The following MFHAS1 variants were observed in gnomAD, a reference collection of about 807,000 sequenced individuals.
MFHAS1 encodes malignant fibrous histiocytoma-amplified sequence 1.
In MFHAS1, 50 loss-of-function variants were observed where a neutral mutation model predicts 70.4. The observed-to-expected ratio is 0.71, with a 90% CI of 0.57 to 0.90. The LOEUF (loss-of-function observed/expected upper bound fraction) is 0.90. MFHAS1 is among the 40% of genes least tolerant of loss of function. MFHAS1 has a pLI of 0.00. For missense variants in MFHAS1, 1,795 were observed against 1,347.6 expected, an observed-to-expected ratio of 1.33 and a Z score of -5.20; for synonymous variants, 952 against 620.0, an observed-to-expected ratio of 1.54 and a Z score of -7.96.
intron 2 of MFHAS1, among the ~76,000 whole-genome samples, chr8:8,793,941 A>G (rs937886670): frequency 6.6e-6 from 1 of 152,100 alleles, no homozygotes; most frequent in Non-Finnish European, 1.5e-5. Flanking sequence ...TAATCCCAGC[A>G]TTTTCGGAGG....
chr8:8,844,666 C>G (rs1807962270), intron 1 of MFHAS1, among the ~76,000 whole-genome samples: 1 of 152,190 alleles, frequency 6.6e-6, no homozygotes, highest in African/African-American at 2.4e-5. Flanking sequence ...TCATGCACCA[C>G]CCATCACACT....
chr8:8,800,775 C>G (rs933055265), intron 1 of MFHAS1, among the ~76,000 whole-genome samples: 1 of 152,212 alleles, frequency 6.6e-6, no homozygotes, highest in Non-Finnish European at 1.5e-5. Flanking sequence ...CCAGCTCCAC[C>G]TGCTTTTATC....
At chr8:8,874,948 G>C (rs1045326741) in intron 1 of MFHAS1, among the ~76,000 whole-genome samples, 23 of 150,424 alleles carry the variant, frequency 1.5e-4, no homozygotes, top group African/African-American at 5.6e-4. Context: ...GCCAGAAGAT[G>C]TTATTAGAGG....
rs576894383 is a variant in MFHAS1, at chr8:8,853,089, C to G, written c.2998+36972G>C. On this transcript the variant is annotated intron_variant, in intron 1 of 2. Transcript: ENST00000276282. ...TCAGTCCGTGTGTCTGCTCTCAAGACCCCGACTATGCCCCTGCAGGCTCCA... is the reference window on the plus strand; with the variant it reads ...TCAGTCCGTGTGTCTGCTCTCAAGAGCCCGACTATGCCCCTGCAGGCTCCA... 1.5e-3 allele frequency among the ~76,000 whole-genome samples: 226 copies of G among 152,190 alleles called. 1 individual carries two copies. Among genetic ancestry groups the G allele is most frequent in the South Asian group, 7.7e-3 (37 of 4,814 alleles).
At chr8:8,827,198 G>C (rs1807195495) in intron 1 of MFHAS1, among the ~76,000 whole-genome samples, 2 of 152,170 alleles carry the variant, frequency 1.3e-5, no homozygotes. Context: ...CCTACAGATG[G>C]TCATATAAGC....
At chr8:8,864,978 C>T (rs1002901358) in intron 1 of MFHAS1, among the ~76,000 whole-genome samples, 2 of 151,998 alleles carry the variant, frequency 1.3e-5, no homozygotes, top group African/African-American at 4.8e-5. Flanking sequence ...AAAAAACAAA[C>T]CAAAAACATG....
chr8:8,807,294 A>C (rs970225737), intron 1 of MFHAS1, among the ~76,000 whole-genome samples: 16 of 151,886 alleles, frequency 1.1e-4, no homozygotes, highest in Non-Finnish European at 1.9e-4. Flanking sequence ...ATGTGACCAC[A>C]CCTGACAGAC....
At chr8:8,814,120 T>G (rs1806648686) in intron 1 of MFHAS1, among the ~76,000 whole-genome samples, 1 of 152,110 alleles carries the variant, frequency 6.6e-6, no homozygotes, top group Admixed American at 6.6e-5. Context: ...GTATTTTTAG[T>G]AGAGACAGGG....
At chr8:8,826,249 T>A (rs1585037401) in intron 1 of MFHAS1, among the ~76,000 whole-genome samples, 1 of 138,394 alleles carries the variant, frequency 7.2e-6, no homozygotes, top group Non-Finnish European at 1.6e-5. Context: ...ACACAAAGAG[T>A]GTGTGTGTGT....
At chr8:8,802,767 G>T (rs1054592205) in intron 1 of MFHAS1, among the ~76,000 whole-genome samples, 3 of 152,168 alleles carry the variant, frequency 2.0e-5, no homozygotes, top group Non-Finnish European at 2.9e-5. Flanking sequence ...AGCTATCTTG[G>T]GGGGTGAAGG....
At chr8:8,849,643 C>G (rs934589644) in intron 1 of MFHAS1, among the ~76,000 whole-genome samples, 4 of 152,198 alleles carry the variant, frequency 2.6e-5, no homozygotes, top group Non-Finnish European at 5.9e-5. Context: ...TTTTGTGTCT[C>G]CTGGTCAAGA....
intron 1 of MFHAS1, chr8:8,859,858 C>A (rs1808596493): frequency 6.6e-6 from 1 of 152,126 alleles, no homozygotes; most frequent in South Asian, 2.1e-4. Flanking sequence ...GGGTCGGTGC[C>A]CCCAATGCCT....
intron 1 of MFHAS1, among the ~76,000 whole-genome samples, chr8:8,873,886 T>C (rs1361104645): frequency 6.6e-6 from 1 of 152,224 alleles, no homozygotes; most frequent in Non-Finnish European, 1.5e-5. Context: ...GCGGTATATC[T>C]ATCTGTAAAC....
chr8:8,886,260 T>TG (rs904554496), intron 1 of MFHAS1, among the ~76,000 whole-genome samples: 6 of 152,052 alleles, frequency 3.9e-5, no homozygotes, highest in African/African-American at 1.4e-4. Flanking sequence ...CAAACTCCCA[T>TG]GCTCAAGTGA....
intron 1 of MFHAS1, among the ~76,000 whole-genome samples, chr8:8,876,501 G>A (rs1303987172): frequency 6.6e-6 from 1 of 151,938 alleles, no homozygotes; most frequent in Non-Finnish European, 1.5e-5. Context: ...TTGGGAGGAT[G>A]AGGCAGGCAG....
At chr8:8,848,412 AAG>A (rs1395458565) in intron 1 of MFHAS1, among the ~76,000 whole-genome samples, 2 of 149,920 alleles carry the variant, frequency 1.3e-5, no homozygotes, top group African/African-American at 2.5e-5. Flanking sequence ...AAAAAAAAAA[AAG>A]AAGCCATGCC....
At chr8:8,815,870 C>A (rs773291105) in intron 1 of MFHAS1, among the ~76,000 whole-genome samples, 2 of 152,032 alleles carry the variant, frequency 1.3e-5, no homozygotes, top group African/African-American at 2.4e-5. Flanking sequence ...CTGAAGTAGT[C>A]AAAAAGTAGA....
Position 8,892,106 on chromosome 8 carries a change from A to T in MFHAS1, c.953T>A (p.Leu318Gln). Residue 318 changes from leucine to glutamine, a missense_variant, in exon 1 of 3, where the codon CTG becomes CAG. Leu to Gln is a moderately radical substitution (Grantham distance 113, BLOSUM62 -2). Transcript: ENST00000276282. This position sits in a 1 kb window ranked among gnomAD's most constrained non-coding sequence, Gnocchi z 4.7. Reference sequence around the variant, plus strand: ...CAGCCACAAGGTGAGAAGCCGGCCCAGGCCCGAGATAAGGGATGGCACCGA... The same window carrying T: ...CAGCCACAAGGTGAGAAGCCGGCCCTGGCCCGAGATAAGGGATGGCACCGA... Reference protein sequence around the residue: ...LTSVPSLISGLGRLLTLWLDN... With the variant: ...LTSVPSLISGQGRLLTLWLDN... 1 of 1,613,246 alleles carries T rather than the reference A, an allele frequency of 6.2e-7. No individual in the cohort carries two copies. The highest frequency in any genetic ancestry group is 8.5e-7 in the Non-Finnish European group (1 of 1,180,016).
intron 1 of MFHAS1, among the ~76,000 whole-genome samples, chr8:8,814,352 C>T (rs1806658782): frequency 6.6e-6 from 1 of 152,184 alleles, no homozygotes; most frequent in Admixed American, 6.5e-5. Context: ...ACATGCTGTA[C>T]AGGTTTGTAG....
Sources: gnomAD v4.1 joint callset for allele counts (sites outside exome capture counted in the v4.1 genomes callset) on GRCh38, gnomAD v4.1.1 for gene constraint, Gnocchi (gnomAD v3.1) non-coding constraint, MANE v1.5 for transcripts, NCBI Gene and HGNC (gene_info 2026-07-23, HGNC 2026-07-21) for gene names.